The following ATL2 variants were observed in gnomAD, a reference collection of about 807,000 sequenced individuals.
ATL2 encodes the protein atlastin-2.
A neutral mutation model predicts 73.9 loss-of-function variants in ATL2; 31 were observed. The ratio of observed to expected loss-of-function variants is 0.42; its 90% CI spans 0.32 to 0.57. ATL2 has a LOEUF of 0.57. ATL2 is among the 20% of genes least tolerant of loss of function. The pLI is 0.14. For synonymous variants in ATL2, 291 were observed against 237.5 expected (o/e 1.23, Z -2.07); for missense variants, 738 against 702.6 (o/e 1.05, Z -0.57).
intron 9 of ATL2, among the ~76,000 whole-genome samples, chr2:38,307,311 T>C (rs1290531890): frequency 6.6e-6 from 1 of 152,016 alleles, no homozygotes; most frequent in Non-Finnish European, 1.5e-5. Flanking sequence ...TGAAGAAATC[T>C]TTTCCCAGAG....
chr2:38,310,250 A>T (rs1433052281), intron 8 of ATL2, 59 bp downstream of exon 8: 2 of 1,574,838 alleles, frequency 1.3e-6, no homozygotes, highest in Non-Finnish European at 1.7e-6. Context: ...GTATTTTCTT[A>T]AAAAACTTTC....
chr2:38,362,620 G>C (rs749588663), intron 1 of ATL2, among the ~76,000 whole-genome samples: 1 of 152,208 alleles, frequency 6.6e-6, no homozygotes, highest in South Asian at 2.1e-4. Context: ...GAAAGGTCTA[G>C]AACTGGAGGT....
chr2:38,358,889 A>G (rs1198436361), intron 1 of ATL2, among the ~76,000 whole-genome samples: 1 of 152,128 alleles, frequency 6.6e-6, no homozygotes, highest in East Asian at 1.9e-4. Context: ...AAAGACACAA[A>G]CTTGGACTTC....
upstream of ATL2, among the ~76,000 whole-genome samples, chr2:38,378,564 G>A (rs1473757234): frequency 6.6e-6 from 1 of 152,212 alleles, no homozygotes; most frequent in Non-Finnish European, 1.5e-5. Context: ...ACAGAATATG[G>A]AGTTTGTCAT....
At chr2:38,339,682 T>C (rs1669585857) in intron 2 of ATL2, among the ~76,000 whole-genome samples, 1 of 152,094 alleles carries the variant, frequency 6.6e-6, no homozygotes, top group South Asian at 2.1e-4. Context: ...GCAGAATATT[T>C]ATTTTTATTT....
chr2:38,343,936 G>C (rs1008288668), intron 1 of ATL2, among the ~76,000 whole-genome samples: 1 of 152,046 alleles, frequency 6.6e-6, no homozygotes, highest in African/African-American at 2.4e-5. Flanking sequence ...TTCACCTTCC[G>C]CCATGATTGT....
At chr2:38,377,328 G>GAGCCGGCGGGGT (rs1672048655), upstream of ATL2, 5 of 1,410,444 alleles carry the variant, frequency 3.5e-6, no homozygotes, top group South Asian at 6.9e-5. Flanking sequence ...AACCTCCCGG[G>GAGCCGGCGGGGT]AGCCGGCGGG....
At chr2:38,376,164 C>T (rs1312842424) in intron 1 of ATL2, 15 of 1,530,186 alleles carry the variant, frequency 9.8e-6, no homozygotes, top group Non-Finnish European at 1.2e-5. Flanking sequence ...AACTTTATGC[C>T]TTTCTTAAGT....
At chr2:38,329,805 T>C (rs772549285) in intron 2 of ATL2, among the ~76,000 whole-genome samples, 2 of 151,996 alleles carry the variant, frequency 1.3e-5, no homozygotes, top group Non-Finnish European at 2.9e-5. Context: ...TTAAAGTCAA[T>C]AAATGTAATC....
intron 1 of ATL2, chr2:38,359,730 T>C (rs1172224392): frequency 6.6e-6 from 1 of 152,010 alleles, no homozygotes; most frequent in Non-Finnish European, 1.5e-5. Flanking sequence ...TGTAAAATGG[T>C]TTATAAATGT....
At chr2:38,348,113 G>A (rs1670129670) in intron 1 of ATL2, among the ~76,000 whole-genome samples, 1 of 151,918 alleles carries the variant, frequency 6.6e-6, no homozygotes, top group Admixed American at 6.6e-5. Flanking sequence ...AAATAGCTTG[G>A]GGAAATACCT....
chr2:38,368,004 G>A (rs1363837734), intron 1 of ATL2, among the ~76,000 whole-genome samples: 21 of 148,028 alleles, frequency 1.4e-4, no homozygotes, highest in African/African-American at 5.0e-4. Context: ...GCGCAATCTC[G>A]GCTCACTGCA....
intron 9 of ATL2, among the ~76,000 whole-genome samples, chr2:38,301,428 G>A (rs539182846): frequency 6.6e-6 from 1 of 152,330 alleles, no homozygotes; most frequent in East Asian, 1.9e-4. Flanking sequence ...AATCAGGTGA[G>A]CAATCACAGT....
chr2:38,295,225 A>AT lies in ATL2; in HGVS notation c.*768dup, dbSNP rs1666831593. 6.6e-6 allele frequency: 1 copy of AT among 152,156 alleles called. No homozygotes were observed. Among genetic ancestry groups the AT allele is most frequent in the South Asian group, 2.1e-4 (1 of 4,828 alleles). The allele number at this position is 152,156 out of a possible 1,614,324, so 9.4% of individuals were successfully genotyped here. A position where few individuals can be genotyped will look rare whatever the true frequency, so the allele number is the denominator to read the frequency against. On this transcript the variant is annotated 3_prime_UTR_variant, in exon 13 of 13. Transcript: ENST00000378954. ...AAGTCATATACATGCCCTATCTGTG[A>AT]TTTTAGAAAATAAAAGCTACACACT...
Position 38,338,184 on chromosome 2 carries a change from T to C in ATL2, c.363+5084A>G, listed in dbSNP as rs142970082. On this transcript the variant is annotated intron_variant, in intron 2 of 12. Coordinates refer to ENST00000378954, the MANE Select transcript of ATL2 (RefSeq NM_001135673.4). Reference sequence around the variant, plus strand: ...CAACATGGATGCTGCTGGAGGCCATTAGCCTAAGCAAATTAATGCAGGAAC... The same window carrying C: ...CAACATGGATGCTGCTGGAGGCCATCAGCCTAAGCAAATTAATGCAGGAAC... 2.2e-4 allele frequency among the ~76,000 whole-genome samples: 33 copies of C among 152,336 alleles called. 2 individuals carry two copies. The East Asian group carries it at 4.2e-3, about 20-fold the overall frequency.
rs200991260 is a variant in ATL2, at chr2:38,328,087, AGTAGCTAT to A, written c.364-9076_364-9069del. Among the ~76,000 whole-genome samples, 1,074 of 152,342 alleles carry A rather than the reference AGTAGCTAT, an allele frequency of 7.0e-3. 11 individuals carry two copies. The highest frequency in any genetic ancestry group is 0.022 in the African/African-American group (935 of 41,570). On this transcript the variant is annotated intron_variant, in intron 2 of 12. Transcript: ENST00000378954. Reference sequence around the variant, plus strand: ...CCAACACTAATCAAAAGAAAGCTAGAGTAGCTATGTTAATTACAGACAAAGCAGTTTTC... The same window carrying A: ...CCAACACTAATCAAAAGAAAGCTAGAGTTAATTACAGACAAAGCAGTTTTC...
chr2:38,324,708 A>C (rs989222600), intron 2 of ATL2, among the ~76,000 whole-genome samples: 1 of 152,218 alleles, frequency 6.6e-6, no homozygotes, highest in Admixed American at 6.5e-5. Flanking sequence ...AGAGGAATTT[A>C]ACATATTTTG....
intron 2 of ATL2, among the ~76,000 whole-genome samples, chr2:38,333,213 C>A (rs1669103986): frequency 6.6e-6 from 1 of 151,912 alleles, no homozygotes; most frequent in Non-Finnish European, 1.5e-5. Flanking sequence ...CACCTGAGCC[C>A]AGGAGTTTGA....
intron 8 of ATL2, 61 bp from the exon 9 acceptor site, chr2:38,309,567 G>A (rs941011006): frequency 1.1e-5 from 16 of 1,492,540 alleles, no homozygotes; most frequent in Non-Finnish European, 1.4e-5. Flanking sequence ...CCACTGGTAC[G>A]ATTTCATAAA....
Sources: gnomAD v4.1 joint callset for allele counts (sites outside exome capture counted in the v4.1 genomes callset) on GRCh38, gnomAD v4.1.1 for gene constraint, MANE v1.5 for transcripts, NCBI Gene and HGNC (gene_info 2026-07-23, HGNC 2026-07-21) for gene names.